TP63: variants seen among roughly 807,000 people sequenced by gnomAD.
TP63 encodes tumor protein 63.
In TP63, 17 loss-of-function variants were observed where a neutral mutation model predicts 82.8. The observed-to-expected ratio is 0.21, with a 90% CI of 0.14 to 0.31. The LOEUF (loss-of-function observed/expected upper bound fraction) is 0.31, where lower values mean the gene tolerates loss of function less well. Ranked by LOEUF, TP63 falls within the 10% of genes least tolerant of loss-of-function variation. The pLI, the probability that TP63 is intolerant of heterozygous loss-of-function variation, is 1.00. For missense variants in TP63, 648 were observed against 895.3 expected (o/e 0.72, Z 3.52); for synonymous variants, 330 against 321.7 (o/e 1.03, Z -0.28).
intron 5 of TP63, among the ~76,000 whole-genome samples, chr3:189,864,757 A>G (rs1258644194): frequency 6.6e-6 from 1 of 152,038 alleles, no homozygotes; most frequent in East Asian, 1.9e-4. Context: ...CCGTAATCCC[A>G]GCACTTTGCG....
intron 1 of TP63, among the ~76,000 whole-genome samples, chr3:189,667,949 A>G (rs1204609923): frequency 6.6e-6 from 1 of 152,114 alleles, no homozygotes; most frequent in African/African-American, 2.4e-5. Context: ...ATTAACAGGT[A>G]TCAGTCGAGA....
At chr3:189,837,617 G>A (rs1713345125) in intron 4 of TP63, among the ~76,000 whole-genome samples, 2 of 152,008 alleles carry the variant, frequency 1.3e-5, no homozygotes, top group South Asian at 4.1e-4. Flanking sequence ...TTTAGCATAA[G>A]GGAATCCCAT....
intron 11 of TP63, among the ~76,000 whole-genome samples, chr3:189,888,272 G>A (rs1420731257): frequency 1.3e-5 from 2 of 152,144 alleles, no homozygotes; most frequent in African/African-American, 4.8e-5. Context: ...CTCATCATAA[G>A]GCTTAAAACC....
At chr3:189,862,636 A>T (rs1385853027) in intron 4 of TP63, among the ~76,000 whole-genome samples, 1 of 152,216 alleles carries the variant, frequency 6.6e-6, no homozygotes, top group African/African-American at 2.4e-5. Context: ...TATGCGTTAT[A>T]TACCTCCTAA....
At chr3:189,662,694 G>A (rs73195959) in intron 1 of TP63, among the ~76,000 whole-genome samples, 50,557 of 151,660 alleles carry the variant, frequency 0.33, 9,442 homozygotes, top group Middle Eastern at 0.54. Flanking sequence ...TAAATAGGCT[G>A]ATTGTTTATC....
chr3:189,706,310 A>C (rs1577275340), intron 1 of TP63, among the ~76,000 whole-genome samples: 2 of 152,016 alleles, frequency 1.3e-5, no homozygotes, highest in East Asian at 3.9e-4. Context: ...AGGCTGGAGT[A>C]CAGTGGCACA....
chr3:189,739,464 T>G (rs1282883187), intron 3 of TP63, among the ~76,000 whole-genome samples: 1 of 152,200 alleles, frequency 6.6e-6, no homozygotes, highest in African/African-American at 2.4e-5. Context: ...CTTCCTACTA[T>G]GACAAACAAC....
chr3:189,756,911 C>T (rs146673465), intron 3 of TP63, among the ~76,000 whole-genome samples: 240 of 152,284 alleles, frequency 1.6e-3, no homozygotes, highest in African/African-American at 5.5e-3. Context: ...TCAGCAGAAA[C>T]ACAGGAGCTG....
chr3:189,875,611 T>TATGTATATATACACAC, intron 10 of TP63, among the ~76,000 whole-genome samples: 1 of 77,040 alleles, frequency 1.3e-5, no homozygotes, highest in East Asian at 3.5e-4. Context: ...TATATATATA[T>TATGTATATATACACAC]ATATATATAT....
At chr3:189,682,547 AAAAAAAATATATATATAT>A (rs1405517262) in intron 1 of TP63, among the ~76,000 whole-genome samples, 6 of 27,752 alleles carry the variant, frequency 2.2e-4, no homozygotes, top group Admixed American at 5.4e-4. Context: ...AAAAAAAAAA[AAAAAAAATATATATATAT>A]ATATATATAT....
At chr3:189,604,998 C>T in the TP63 span, among the ~76,000 whole-genome samples, 1 of 152,108 alleles carries the variant, frequency 6.6e-6, no homozygotes, top group Non-Finnish European at 1.5e-5. Context: ...GTGCCAATGA[C>T]AAGGTTCTGG....
intron 3 of TP63, among the ~76,000 whole-genome samples, chr3:189,790,682 G>A (rs9854771): frequency 0.33 from 50,832 of 151,914 alleles, 8,825 homozygotes; most frequent in Admixed American, 0.46. Flanking sequence ...CTCAGAATGG[G>A]GCAGCTGTGT....
chr3:189,771,527 T>G (rs958380865), intron 3 of TP63, among the ~76,000 whole-genome samples: 1 of 146,954 alleles, frequency 6.8e-6, no homozygotes, highest in East Asian at 2.0e-4. Flanking sequence ...TATAGCTATG[T>G]GTGGAGGATG....
At chr3:189,719,843 T>G (rs1719249474) in intron 1 of TP63, among the ~76,000 whole-genome samples, 1 of 152,220 alleles carries the variant, frequency 6.6e-6, no homozygotes, top group Admixed American at 6.5e-5. Context: ...GCAAATTTCT[T>G]TCTTGAAATG....
At chr3:189,859,848 C>T (rs1444067027) in intron 4 of TP63, among the ~76,000 whole-genome samples, 1 of 152,248 alleles carries the variant, frequency 6.6e-6, no homozygotes, top group East Asian at 1.9e-4. Flanking sequence ...GCAAAAACCA[C>T]AGATAAATCT....
chr3:189,620,860 C>A, the TP63 span, among the ~76,000 whole-genome samples: 1 of 152,166 alleles, frequency 6.6e-6, no homozygotes, highest in Non-Finnish European at 1.5e-5. Context: ...TTCATGATGG[C>A]CATTTTTTTT....
chr3:189,703,725 A>G (rs1402551167), intron 1 of TP63, among the ~76,000 whole-genome samples: 1 of 152,238 alleles, frequency 6.6e-6, no homozygotes, highest in East Asian at 1.9e-4. Context: ...AATATTCTAT[A>G]GGAAAATTTA....
intron 1 of TP63, among the ~76,000 whole-genome samples, chr3:189,670,581 A>T (rs1341128576): frequency 6.6e-6 from 1 of 152,110 alleles, no homozygotes; most frequent in Non-Finnish European, 1.5e-5. Context: ...TCATAAAAGA[A>T]AATATATTGA....
At chr3:189,696,021 C>T (rs551709429) in intron 1 of TP63, among the ~76,000 whole-genome samples, 6 of 152,224 alleles carry the variant, frequency 3.9e-5, no homozygotes, top group African/African-American at 1.4e-4. Flanking sequence ...TACATTCCAT[C>T]CCAAGATTTC....
Sources: gnomAD v4.1 joint callset for allele counts (sites outside exome capture counted in the v4.1 genomes callset) on GRCh38, gnomAD v4.1.1 for gene constraint, MANE v1.5 for transcripts, NCBI Gene and HGNC (gene_info 2026-07-23, HGNC 2026-07-21) for gene names.